The following AKAP6 variants were observed in gnomAD, a reference collection of about 807,000 sequenced individuals.
The protein encoded by AKAP6 is A-kinase anchor protein 6.
A neutral mutation model predicts 188.5 loss-of-function variants in AKAP6; 58 were observed. That is an observed-to-expected ratio of 0.31 (90% CI 0.25 to 0.38). AKAP6 has a LOEUF of 0.38. Ranked by LOEUF, AKAP6 falls within the 10% of genes least tolerant of loss-of-function variation. The probability of loss-of-function intolerance (pLI) is 1.00; values close to 1 mark genes in which losing one functional copy is unlikely to be tolerated. For synonymous variants in AKAP6, 989 were observed against 998.6 expected (o/e 0.99, Z 0.18); for missense variants, 2,710 against 2,740.0 (o/e 0.99, Z 0.24).
chr14:32,592,699 T>C (rs993708157), intron 5 of AKAP6, among the ~76,000 whole-genome samples: 3 of 152,130 alleles, frequency 2.0e-5, no homozygotes, highest in African/African-American at 7.2e-5. Context: ...GGAAGGTCAT[T>C]TTGTATAATA....
intron 11 of AKAP6, among the ~76,000 whole-genome samples, chr14:32,746,391 G>A (rs2031911808): frequency 6.6e-6 from 1 of 152,166 alleles, no homozygotes; most frequent in African/African-American, 2.4e-5. Flanking sequence ...GGTGATTAAT[G>A]CTGCCAGGAC....
chr14:32,751,933 C>CT (rs2032155541), intron 11 of AKAP6, among the ~76,000 whole-genome samples: 1 of 152,134 alleles, frequency 6.6e-6, no homozygotes, highest in Admixed American at 6.5e-5. Context: ...ATTGTTTTCT[C>CT]TTTTTTGGTA....
chr14:32,690,196 T>C (rs1463679497), intron 8 of AKAP6, among the ~76,000 whole-genome samples: 1 of 151,992 alleles, frequency 6.6e-6, no homozygotes, highest in Non-Finnish European at 1.5e-5. Flanking sequence ...AATTGCTCTA[T>C]TTTGATGATT....
At chr14:32,382,969 C>T (rs1888416369) in intron 1 of AKAP6, among the ~76,000 whole-genome samples, 1 of 151,958 alleles carries the variant, frequency 6.6e-6, no homozygotes, top group African/African-American at 2.4e-5. Context: ...CTTCAAAATT[C>T]CTATATCACC....
Position 32,773,901 on chromosome 14 carries a change from A to T in AKAP6, c.3588+8A>T, listed in dbSNP as rs750412465. ...AAGATGGGAAAGGAATCTGTGAGTGATGCTTTTTTTAAGCATAATTGTCTG... is the reference window on the plus strand; with the variant it reads ...AAGATGGGAAAGGAATCTGTGAGTGTTGCTTTTTTTAAGCATAATTGTCTG... On this transcript the variant is annotated splice_region_variant and intron_variant, in intron 12 of 13. Coordinates refer to ENST00000280979, the MANE Select transcript of AKAP6 (RefSeq NM_004274.5). 1 of 1,612,430 alleles carries T rather than the reference A, an allele frequency of 6.2e-7. No homozygotes were observed. The highest frequency in any genetic ancestry group is 8.5e-7 in the Non-Finnish European group (1 of 1,178,640).
chr14:32,449,604 T>A (rs1273738200), intron 2 of AKAP6, among the ~76,000 whole-genome samples: 5 of 151,684 alleles, frequency 3.3e-5, no homozygotes, highest in African/African-American at 9.7e-5. Flanking sequence ...ACAGCTCTGG[T>A]CCCATAAAGA....
At chr14:32,829,617 TA>T (rs34458249) in intron 13 of AKAP6, among the ~76,000 whole-genome samples, 3,278 of 147,388 alleles carry the variant, frequency 0.022, 70 homozygotes, top group African/African-American at 0.06. Flanking sequence ...CACGTCTTTT[TA>T]AAAAAAAAAA....
intron 1 of AKAP6, among the ~76,000 whole-genome samples, chr14:32,420,414 A>G (rs1566493307): frequency 6.6e-6 from 1 of 152,150 alleles, no homozygotes; most frequent in South Asian, 2.1e-4. Context: ...TTCTTCCTAT[A>G]AAACTATGTC....
intron 1 of AKAP6, among the ~76,000 whole-genome samples, chr14:32,409,026 C>G (rs4981961): frequency 6.6e-6 from 1 of 151,826 alleles, no homozygotes; most frequent in African/African-American, 2.4e-5. Context: ...ATGGTGAAAC[C>G]CTGTCTCTAC....
At chr14:32,805,483 T>C (rs1413772647) in intron 12 of AKAP6, among the ~76,000 whole-genome samples, 1 of 152,180 alleles carries the variant, frequency 6.6e-6, no homozygotes, top group African/African-American at 2.4e-5. Context: ...CCTTCTGCGG[T>C]GAGCAACTTC....
At chr14:32,393,450 G>A (rs1888775386) in intron 1 of AKAP6, among the ~76,000 whole-genome samples, 1 of 152,060 alleles carries the variant, frequency 6.6e-6, no homozygotes, top group African/African-American at 2.4e-5. Context: ...ATAAATGCAG[G>A]GAATGACCCT....
intron 7 of AKAP6, among the ~76,000 whole-genome samples, chr14:32,657,470 C>T (rs1888504475): frequency 6.6e-6 from 1 of 152,060 alleles, no homozygotes; most frequent in African/African-American, 2.4e-5. Context: ...CCACAATGGA[C>T]CTAATTTTTG....
At chr14:32,745,382 C>G (rs191296456) in intron 11 of AKAP6, among the ~76,000 whole-genome samples, 1 of 133,058 alleles carries the variant, frequency 7.5e-6, no homozygotes, top group Non-Finnish European at 1.7e-5. Flanking sequence ...TCTTGGACAA[C>G]GTCTAGGATA....
chr14:32,700,568 T>C (rs1376790642), intron 9 of AKAP6, among the ~76,000 whole-genome samples: 1 of 152,210 alleles, frequency 6.6e-6, no homozygotes, highest in African/African-American at 2.4e-5. Context: ...CATAAGATTA[T>C]AATACTATAT....
chr14:32,465,029 C>G (rs372479402), intron 2 of AKAP6, among the ~76,000 whole-genome samples: 1 of 152,104 alleles, frequency 6.6e-6, no homozygotes. Context: ...ATAAAACTTA[C>G]AAGGGATGCG....
At chr14:32,771,955 G>A (rs1179262629) in intron 11 of AKAP6, among the ~76,000 whole-genome samples, 2 of 151,990 alleles carry the variant, frequency 1.3e-5, no homozygotes, top group Non-Finnish European at 2.9e-5. Context: ...TTAATATTGG[G>A]CCCCAAATTG....
intron 11 of AKAP6, among the ~76,000 whole-genome samples, chr14:32,750,839 A>G (rs1288342915): frequency 3.5e-5 from 5 of 144,840 alleles, no homozygotes; most frequent in Admixed American, 2.9e-4. Context: ...GGTTCACCCC[A>G]TTCTCCTGCC....
chr14:32,454,192 G>C (rs1218178828), intron 2 of AKAP6, among the ~76,000 whole-genome samples: 1 of 152,052 alleles, frequency 6.6e-6, no homozygotes, highest in Non-Finnish European at 1.5e-5. Context: ...CTATCCCCAG[G>C]TACCTTCCTC....
rs551505069 is a variant in AKAP6, at chr14:32,646,254, AATAC to A, written c.2731-32053_2731-32050del. 3.1e-3 allele frequency among the ~76,000 whole-genome samples: 477 copies of A among 152,182 alleles called. 2 individuals are homozygous for A. Among genetic ancestry groups the A allele is most frequent in the Admixed American group, 5.2e-3 (80 of 15,274 alleles). On this transcript the variant is annotated intron_variant, in intron 7 of 13. Transcript: ENST00000280979. ...TCTGAGAACACCTATAATAATATAT[AATAC>A]ATAATAAGATATAATAGATCTATAA...
Sources: gnomAD v4.1 joint callset for allele counts (sites outside exome capture counted in the v4.1 genomes callset) on GRCh38, gnomAD v4.1.1 for gene constraint, MANE v1.5 for transcripts, NCBI Gene and HGNC (gene_info 2026-07-23, HGNC 2026-07-21) for gene names.